MAPK10: variants seen among roughly 807,000 people sequenced by gnomAD.
The protein encoded by MAPK10 is JNK3 alpha protein kinase.
A neutral mutation model predicts 59.3 loss-of-function variants in MAPK10; 25 were observed. That is an observed-to-expected ratio of 0.42 (90% CI 0.31 to 0.59). The LOEUF (loss-of-function observed/expected upper bound fraction) is 0.59. Among genes scored for constraint, MAPK10 ranks in the 20% least tolerant of loss-of-function variants. The pLI is 0.15. For synonymous variants in MAPK10, 190 were observed against 200.5 expected (o/e 0.95, Z 0.44); for missense variants, 351 against 568.9 (o/e 0.62, Z 3.90).
At chr4:86,354,137 C>A (rs920319833) in intron 2 of MAPK10, among the ~76,000 whole-genome samples, 4 of 151,632 alleles carry the variant, frequency 2.6e-5, no homozygotes, top group African/African-American at 9.7e-5. Context: ...TGAAAGAAAA[C>A]CATAATTTAG....
intron 2 of MAPK10, among the ~76,000 whole-genome samples, chr4:86,345,021 GC>G (rs1390947584): frequency 1.3e-5 from 2 of 152,082 alleles, no homozygotes; most frequent in Non-Finnish European, 2.9e-5. Flanking sequence ...CTTATGTTTA[GC>G]ACATCTTTAA....
At chr4:86,342,278 T>C (rs1264784990) in intron 2 of MAPK10, among the ~76,000 whole-genome samples, 1 of 152,092 alleles carries the variant, frequency 6.6e-6, no homozygotes, top group African/African-American at 2.4e-5. Flanking sequence ...AGCAGGAAAA[T>C]AGTTTACAAT....
chr4:86,341,837 C>CA (rs1725132660), intron 2 of MAPK10, among the ~76,000 whole-genome samples: 1 of 61,538 alleles, frequency 1.6e-5, no homozygotes, highest in Non-Finnish European at 4.0e-5. Context: ...AAAAAAAACA[C>CA]CGGCAGCTAC....
intron 2 of MAPK10, among the ~76,000 whole-genome samples, chr4:86,340,636 C>T (rs559855477): frequency 6.6e-6 from 1 of 152,230 alleles, no homozygotes; most frequent in East Asian, 1.9e-4. Context: ...CAAACCATAT[C>T]ACACATCTAG....
intron 2 of MAPK10, among the ~76,000 whole-genome samples, chr4:86,328,258 A>G (rs2096072423): frequency 6.6e-6 from 1 of 152,228 alleles, no homozygotes; most frequent in African/African-American, 2.4e-5. Context: ...AAAGCTCTAC[A>G]TCACTGATCA....
intron 9 of MAPK10, among the ~76,000 whole-genome samples, chr4:86,077,933 G>A (rs2049849513): frequency 6.6e-6 from 1 of 152,146 alleles, no homozygotes; most frequent in African/African-American, 2.4e-5. Flanking sequence ...GTCTGCAACA[G>A]ATGCACAATA....
chr4:86,528,763 G>A (rs1037816972), intron 1 of MAPK10, among the ~76,000 whole-genome samples: 29 of 152,220 alleles, frequency 1.9e-4, no homozygotes, highest in African/African-American at 6.5e-4. Flanking sequence ...CCTGGTGAAC[G>A]GTAACCCCCC....
upstream of MAPK10, among the ~76,000 whole-genome samples, chr4:86,361,667 A>G (rs1736990217): frequency 6.6e-6 from 1 of 151,088 alleles, no homozygotes; most frequent in South Asian, 2.1e-4. Flanking sequence ...ACACACATAC[A>G]CACACACACA....
At chr4:86,135,543 C>T (rs911734190) in intron 4 of MAPK10, among the ~76,000 whole-genome samples, 1 of 152,132 alleles carries the variant, frequency 6.6e-6, no homozygotes, top group Non-Finnish European at 1.5e-5. Context: ...CTGTACATCA[C>T]CATCATCAAA....
intron 1 of MAPK10, among the ~76,000 whole-genome samples, chr4:86,451,169 A>G (rs757236520): frequency 1.3e-5 from 2 of 152,190 alleles, no homozygotes; most frequent in Non-Finnish European, 2.9e-5. Flanking sequence ...TTCTGTTTGT[A>G]GAGTCCTCTA....
At chr4:86,577,470 T>C (rs1761985507) in intron 1 of MAPK10, among the ~76,000 whole-genome samples, 1 of 152,022 alleles carries the variant, frequency 6.6e-6, no homozygotes, top group African/African-American at 2.4e-5. Context: ...CAGAATGACA[T>C]CTATGCAGCA....
intron 1 of MAPK10, among the ~76,000 whole-genome samples, chr4:86,569,315 A>T (rs2061479020): frequency 6.6e-6 from 1 of 152,158 alleles, no homozygotes; most frequent in Non-Finnish European, 1.5e-5. Context: ...GTTGACGAGG[A>T]TGCAGAGAAA....
chr4:86,231,556 G>A (rs545654627), intron 2 of MAPK10, among the ~76,000 whole-genome samples: 7 of 152,102 alleles, frequency 4.6e-5, no homozygotes, highest in African/African-American at 1.2e-4. Context: ...CCAGCTACTC[G>A]AGAGGCTGAG....
At chr4:86,286,517 T>C (rs80016933) in intron 2 of MAPK10, among the ~76,000 whole-genome samples, 31 of 152,350 alleles carry the variant, frequency 2.0e-4, no homozygotes, top group African/African-American at 6.7e-4. Flanking sequence ...CTCATCCTTA[T>C]AGCAACCAGA....
intron 1 of MAPK10, among the ~76,000 whole-genome samples, chr4:86,430,443 C>T (rs919180979): frequency 6.6e-6 from 1 of 152,010 alleles, no homozygotes; most frequent in African/African-American, 2.4e-5. Flanking sequence ...TGTGTTTGGC[C>T]CTTTGGTAGG....
intron 2 of MAPK10, among the ~76,000 whole-genome samples, chr4:86,328,927 G>T (rs769789948): frequency 6.6e-6 from 1 of 152,088 alleles, no homozygotes; most frequent in Non-Finnish European, 1.5e-5. Context: ...TAGATGATGG[G>T]TTAATAGCTG....
intron 3 of MAPK10, among the ~76,000 whole-genome samples, chr4:86,174,828 T>C (rs541199941): frequency 7.9e-5 from 12 of 152,300 alleles, no homozygotes; most frequent in African/African-American, 2.9e-4. Flanking sequence ...TTCTTCATTC[T>C]ATATTTATTT....
intron 1 of MAPK10, among the ~76,000 whole-genome samples, chr4:86,573,543 T>A (rs1006297579): frequency 6.6e-6 from 1 of 152,218 alleles, no homozygotes; most frequent in Admixed American, 6.5e-5. Flanking sequence ...TTCTTGTTTT[T>A]CTGTTTTAAA....
chr4:86,382,164 T>C (rs1740815873), intron 1 of MAPK10, among the ~76,000 whole-genome samples: 1 of 151,942 alleles, frequency 6.6e-6, no homozygotes, highest in Non-Finnish European at 1.5e-5. Context: ...GGGTGCAAAA[T>C]AACCCCTAGG....
Sources: allele counts gnomAD v4.1 joint callset (sites outside exome capture counted in the v4.1 genomes callset), GRCh38; gene constraint gnomAD v4.1.1; transcripts MANE v1.5; gene names NCBI Gene and HGNC (gene_info 2026-07-23, HGNC 2026-07-21).